Variants in LRP1B observed in about 807,000 individuals in gnomAD.
LRP1B encodes the protein low-density lipoprotein receptor-related protein 1B.
LRP1B carries 217 observed loss-of-function variants against 556.6 expected under a neutral mutation model. The observed-to-expected ratio is 0.39, with a 90% CI of 0.35 to 0.44. The LOEUF (loss-of-function observed/expected upper bound fraction) is 0.44, where lower values mean the gene tolerates loss of function less well. LRP1B is among the 20% of genes least tolerant of loss of function. The probability of loss-of-function intolerance (pLI) is 1.00; values close to 1 mark genes in which losing one functional copy is unlikely to be tolerated. For synonymous variants in LRP1B, 2,047 were observed against 1,865.8 expected, an observed-to-expected ratio of 1.10 and a Z score of -2.50; for missense variants, 5,053 against 5,620.8, an observed-to-expected ratio of 0.90 and a Z score of 3.23.
chr2:141,074,589 C>CTCTCTCTCTA lies in LRP1B; in HGVS notation c.1014-12317_1014-12316insTAGAGAGAGA, dbSNP rs10643830. Among the ~76,000 whole-genome samples the CTCTCTCTCTA allele has an allele frequency of 3.8e-3, 512 of 136,452 alleles. 1 individual carries two copies. The highest frequency in any genetic ancestry group is 4.8e-3 in the Non-Finnish European group (306 of 64,346). The allele number at this position is 136,452 out of a possible 152,430, so 89.5% of individuals were successfully genotyped here. A position where few individuals can be genotyped will look rare whatever the true frequency, so the allele number is the denominator to read the frequency against. Reference sequence around the variant, plus strand: ...TCTCTGTCTCTCTCTCTCTCTCTCTCTATATATATATATATATGTTTTTTA... The same window carrying CTCTCTCTCTA: ...TCTCTGTCTCTCTCTCTCTCTCTCTCTCTCTCTCTATATATATATATATATATGTTTTTTA... On this transcript the variant is annotated intron_variant, in intron 7 of 90. Transcript: ENST00000389484.
At chr2:141,372,653 T>C (rs1345403122) in intron 3 of LRP1B, among the ~76,000 whole-genome samples, 1 of 152,078 alleles carries the variant, frequency 6.6e-6, no homozygotes, top group Non-Finnish European at 1.5e-5. Flanking sequence ...CTATCTTTTC[T>C]AGTTTGTGAG....
At chr2:140,463,431 C>G (rs16844032) in intron 60 of LRP1B, among the ~76,000 whole-genome samples, 7,503 of 152,268 alleles carry the variant, frequency 0.049, 272 homozygotes, top group Non-Finnish European at 0.058. Context: ...CTGAAACCTA[C>G]AACGAGCAGC....
In LRP1B at chr2:140,601,469, C is replaced by A. The variant is rs752953811; in HGVS notation, c.6970G>T (p.Ala2324Ser). 7.4e-6 allele frequency: 12 copies of A among 1,611,786 alleles called. No individual in the cohort carries two copies. Among genetic ancestry groups the A allele is most frequent in the Non-Finnish European group, 1.0e-5 (12 of 1,178,608 alleles). The change falls in exon 42 of 91, where the codon GCC becomes TCC. Residue 2324 changes from alanine to serine, a missense_variant. This residue lies in a region of LRP1B where 3,619 missense variants were observed against 3,931.9 expected (regional missense o/e 0.92). Coordinates refer to ENST00000389484, the MANE Select transcript of LRP1B (RefSeq NM_018557.3). ...MSEDDHPHVL[A>S]LDECQNLMFW... ...TCTTACTTTTGACATTCATCCAAGG[C>A]TAGCACATGTGGATGGTCATCTTCT...
chr2:142,107,094 GA>G (rs921402781), intron 1 of LRP1B, among the ~76,000 whole-genome samples: 38 of 151,872 alleles, frequency 2.5e-4, no homozygotes, highest in African/African-American at 9.2e-4. Context: ...TGTGAGATGA[GA>G]AAAAATGTTG....
In LRP1B at chr2:141,016,033, T is replaced by C. The variant is rs565309688; in HGVS notation, c.1971-118A>G. On this transcript the variant is annotated intron_variant, in intron 12 of 90. Transcript: ENST00000389484. ...CTAGTTTCATTCTGATTTGTCCTCC[T>C]ATCTAAGTGCTTATCTGTCAAAGAG... The C allele has an allele frequency of 9.4e-6, 7 of 741,200 alleles. No homozygotes were observed. The East Asian group carries it at 1.8e-4, about 19-fold the overall frequency. The allele number at this position is 741,200 out of a possible 1,614,324, so 45.9% of individuals were successfully genotyped here.
At chr2:140,547,928 G>C (rs1032222399) in intron 43 of LRP1B, among the ~76,000 whole-genome samples, 1 of 148,940 alleles carries the variant, frequency 6.7e-6, no homozygotes, top group Admixed American at 6.7e-5. Flanking sequence ...TTCCAAACAG[G>C]ACTCACTGGG....
At chr2:142,007,814 A>G (rs1328365563) in intron 1 of LRP1B, among the ~76,000 whole-genome samples, 1 of 152,174 alleles carries the variant, frequency 6.6e-6, no homozygotes, top group Non-Finnish European at 1.5e-5. Context: ...ATATTCCCCA[A>G]TTTTATCACC....
chr2:141,425,606 G>A (rs1261543251), intron 3 of LRP1B, among the ~76,000 whole-genome samples: 1 of 147,844 alleles, frequency 6.8e-6, no homozygotes, highest in East Asian at 2.0e-4. Context: ...TTTAATGATT[G>A]CCATTCTAAC....
intron 41 of LRP1B, among the ~76,000 whole-genome samples, chr2:140,699,442 A>G (rs1236845513): frequency 1.3e-5 from 2 of 152,030 alleles, no homozygotes; most frequent in African/African-American, 4.8e-5. Flanking sequence ...GAGATGAGTC[A>G]GGGATTTCAT....
intron 2 of LRP1B, among the ~76,000 whole-genome samples, chr2:141,533,970 GAAAC>G (rs1164925747): frequency 3.9e-5 from 6 of 152,008 alleles, no homozygotes; most frequent in South Asian, 2.1e-4. Context: ...GAAGGTTATA[GAAAC>G]AAACAATGTT....
At chr2:140,700,170 A>G in intron 41 of LRP1B, 80 bp downstream of exon 41, 2 of 1,221,752 alleles carry the variant, frequency 1.6e-6, no homozygotes, top group Non-Finnish European at 2.3e-6. Context: ...TAATTGCTAC[A>G]TGCAATTACC....
At chr2:140,856,763 A>ACACACG (rs1692631967) in intron 27 of LRP1B, among the ~76,000 whole-genome samples, 2 of 130,408 alleles carry the variant, frequency 1.5e-5, no homozygotes, top group African/African-American at 5.8e-5. Flanking sequence ...ACACACACAC[A>ACACACG]CACACACACA....
In LRP1B at chr2:140,385,966, G is replaced by A; in HGVS notation, c.10458C>T (p.Asn3486=). ...CGPHEFQCKN[N]NCIPDHWRCD... ...ACCGCCAGTGATCGGGAATACAGTTGTTGTTTTTACACTGGAATTCATGAG... is the reference window on the plus strand; with the variant it reads ...ACCGCCAGTGATCGGGAATACAGTTATTGTTTTTACACTGGAATTCATGAG... Residue 3486 remains asparagine, a synonymous_variant, in exon 67 of 91, where the codon AAC becomes AAT. Transcript: ENST00000389484. 1.2e-5 allele frequency: 19 copies of A among 1,613,470 alleles called. No individual in the cohort carries two copies. Among genetic ancestry groups the A allele is most frequent in the Non-Finnish European group, 1.5e-5 (18 of 1,179,584 alleles).
chr2:140,717,260 T>C (rs1023082072), intron 35 of LRP1B, among the ~76,000 whole-genome samples: 4 of 151,930 alleles, frequency 2.6e-5, no homozygotes, highest in Non-Finnish European at 5.9e-5. Context: ...AACCTCAAAG[T>C]AGAGAGAGGA....
intron 2 of LRP1B, among the ~76,000 whole-genome samples, chr2:141,752,446 T>G (rs1199101120): frequency 1.3e-5 from 2 of 152,120 alleles, no homozygotes; most frequent in Non-Finnish European, 2.9e-5. Context: ...CTTTCCATAC[T>G]CGATGATGCT....
chr2:140,430,498 T>C (rs576581828), intron 66 of LRP1B, among the ~76,000 whole-genome samples: 2 of 152,200 alleles, frequency 1.3e-5, no homozygotes, highest in Non-Finnish European at 2.9e-5. Flanking sequence ...CCCATTGCTC[T>C]AGGCAATGCT....
intron 7 of LRP1B, among the ~76,000 whole-genome samples, chr2:141,143,586 G>A (rs1445857521): frequency 4.6e-5 from 7 of 152,034 alleles, no homozygotes; most frequent in African/African-American, 1.2e-4. Flanking sequence ...CTTGAGCAGC[G>A]CCTGGAACAT....
At chr2:141,710,673 T>A (rs149002208) in intron 2 of LRP1B, among the ~76,000 whole-genome samples, 2 of 152,250 alleles carry the variant, frequency 1.3e-5, no homozygotes, top group East Asian at 3.9e-4. Flanking sequence ...CTACTGAAAT[T>A]CAGAGATTCA....
Position 140,850,333 on chromosome 2 carries a change from A to G in LRP1B, c.4712-4T>C. 6.5e-7 allele frequency: 1 copy of G among 1,543,768 alleles called. No homozygotes were observed. Among genetic ancestry groups the G allele is most frequent in the African/African-American group, 1.4e-5 (1 of 72,668 alleles). ...TAAAGAAGAAATTTTTTCATTTCTA[A>G]AAAAGAAATAGAAATTCTTTTCTCT... On this transcript the variant is annotated splice_region_variant and splice_polypyrimidine_tract_variant and intron_variant, in intron 28 of 90. Transcript: ENST00000389484.
Sources: gnomAD v4.1 joint callset for allele counts (sites outside exome capture counted in the v4.1 genomes callset) on GRCh38, gnomAD v4.1.1 for gene constraint, gnomAD v4.1.1 regional missense constraint, MANE v1.5 for transcripts, NCBI Gene and HGNC (gene_info 2026-07-23, HGNC 2026-07-21) for gene names.